The following AP1S3 variants were observed in gnomAD, a reference collection of about 807,000 sequenced individuals.
AP1S3 encodes the protein adaptor related protein complex 1 subunit sigma 3, also known as AP-1 complex subunit sigma-3.
AP1S3 carries 10 observed loss-of-function variants against 20.9 expected under a neutral mutation model. The ratio of observed to expected loss-of-function variants is 0.48; its 90% CI spans 0.29 to 0.81. The LOEUF is 0.81. Among genes scored for constraint, AP1S3 ranks in the 30% least tolerant of loss-of-function variants. The probability of loss-of-function intolerance (pLI) is 0.08; values close to 1 mark genes in which losing one functional copy is unlikely to be tolerated. For missense variants in AP1S3, 154 were observed against 183.8 expected (o/e 0.84, Z 0.94); for synonymous variants, 41 against 61.5 (o/e 0.67, Z 1.56).
intron 1 of AP1S3, among the ~76,000 whole-genome samples, chr2:223,823,459 CATT>C (rs1241379299): frequency 6.6e-6 from 1 of 152,128 alleles, no homozygotes; most frequent in Admixed American, 6.5e-5. Context: ...ACCTGAAAGA[CATT>C]ATATTAAGTG....
chr2:223,796,391 AAAC>A (rs1691337618), intron 1 of AP1S3, among the ~76,000 whole-genome samples: 1 of 152,160 alleles, frequency 6.6e-6, no homozygotes, highest in Non-Finnish European at 1.5e-5. Context: ...CATTCTTGGG[AAAC>A]AACAAACTAT....
chr2:223,812,345 C>T (rs1691750916), intron 1 of AP1S3, among the ~76,000 whole-genome samples: 1 of 152,184 alleles, frequency 6.6e-6, no homozygotes, highest in Non-Finnish European at 1.5e-5. Flanking sequence ...TCTCAGCCTC[C>T]CGAGTAGCTG....
intron 1 of AP1S3, among the ~76,000 whole-genome samples, chr2:223,780,335 AGAGAGAGAGAGAGAGAGAGAGAGTGT>A (rs1559280789): frequency 7.2e-5 from 9 of 125,754 alleles, no homozygotes; most frequent in South Asian, 2.8e-4. Context: ...AGAGAGAGAG[AGAGAGAGAGAGAGAGAGAGAGAGTGT>A]GTGTGTGTGT....
At chr2:223,827,816 T>C (rs1692167356) in intron 1 of AP1S3, among the ~76,000 whole-genome samples, 2 of 151,320 alleles carry the variant, frequency 1.3e-5, no homozygotes, top group Non-Finnish European at 2.9e-5. Flanking sequence ...TCCCATCACT[T>C]TGGGAGGCCA....
intron 3 of AP1S3, among the ~76,000 whole-genome samples, chr2:223,774,322 G>A (rs1690707992): frequency 1.3e-5 from 2 of 151,944 alleles, no homozygotes; most frequent in Non-Finnish European, 2.9e-5. Flanking sequence ...CAGAGATCGT[G>A]CCATTGCACT....
chr2:223,772,610 TTAAC>T (rs1302088465), intron 3 of AP1S3, among the ~76,000 whole-genome samples: 4 of 152,056 alleles, frequency 2.6e-5, no homozygotes, highest in African/African-American at 9.7e-5. Flanking sequence ...GATCGGAAGA[TTAAC>T]TAGTTAATCC....
chr2:223,780,775 A>T (rs1690928729), intron 1 of AP1S3, among the ~76,000 whole-genome samples: 1 of 151,814 alleles, frequency 6.6e-6, no homozygotes, highest in South Asian at 2.1e-4. Context: ...TGGTAACTAC[A>T]AATTACTTTT....
At chr2:223,795,931 G>T (rs910281719) in intron 1 of AP1S3, among the ~76,000 whole-genome samples, 1 of 152,152 alleles carries the variant, frequency 6.6e-6, no homozygotes, top group Non-Finnish European at 1.5e-5. Context: ...CCAGCACTTT[G>T]GGTGGCCGAG....
intron 1 of AP1S3, among the ~76,000 whole-genome samples, chr2:223,807,945 A>C (rs1691626822): frequency 7.8e-6 from 1 of 128,682 alleles, no homozygotes; most frequent in Non-Finnish European, 1.5e-5. Flanking sequence ...GTGATCATGC[A>C]GTGGTGCGAT....
intron 1 of AP1S3, among the ~76,000 whole-genome samples, chr2:223,833,259 T>C (rs1559150055): frequency 6.6e-6 from 1 of 152,044 alleles, no homozygotes; most frequent in Non-Finnish European, 1.5e-5. Flanking sequence ...CATACATACA[T>C]ACATACATAC....
chr2:223,791,056 G>C (rs1466503661), intron 1 of AP1S3, among the ~76,000 whole-genome samples: 2 of 152,112 alleles, frequency 1.3e-5, no homozygotes, highest in African/African-American at 4.8e-5. Flanking sequence ...ACCAAGAAAA[G>C]CCCAGGATCA....
At chr2:223,837,280 CGCACCGTCTGGG>C (rs1305208396) in intron 1 of AP1S3, among the ~76,000 whole-genome samples, 156 bp downstream of exon 1, 1 of 151,832 alleles carries the variant, frequency 6.6e-6, no homozygotes, top group African/African-American at 2.4e-5. Context: ...CTGGCGCGTC[CGCACCGTCTGGG>C]GCAGCGGGGC....
chr2:223,792,625 A>G (rs1691237729), intron 1 of AP1S3, among the ~76,000 whole-genome samples: 1 of 152,192 alleles, frequency 6.6e-6, no homozygotes. Context: ...GAAACCATAG[A>G]AGAAAAGCTA....
intron 1 of AP1S3, among the ~76,000 whole-genome samples, chr2:223,832,960 T>G (rs1399077791): frequency 6.6e-6 from 1 of 150,440 alleles, no homozygotes; most frequent in Non-Finnish European, 1.5e-5. Flanking sequence ...GATTTTTTTT[T>G]AGCATAAATC....
intron 1 of AP1S3, among the ~76,000 whole-genome samples, chr2:223,820,619 C>T (rs1177612542): frequency 2.1e-5 from 3 of 144,034 alleles, no homozygotes; most frequent in Non-Finnish European, 1.5e-5. Flanking sequence ...TTACTTTATT[C>T]ATATTCTATA....
At chr2:223,814,744 A>C (rs1691806467) in intron 1 of AP1S3, among the ~76,000 whole-genome samples, 1 of 152,228 alleles carries the variant, frequency 6.6e-6, no homozygotes, top group African/African-American at 2.4e-5. Context: ...AGGAGATTTC[A>C]GGCTGACAAT....
At position 223,760,065 on chromosome 2, in the gene AP1S3, G is replaced by A. The variant is rs554342122; in HGVS notation, c.430-1315C>T. Reference sequence around the variant, plus strand: ...GAACAGACTCACAATTACAGGTAGAGTTCAAAGTTAACAGTGATGTTCCAG... The same window carrying A: ...GAACAGACTCACAATTACAGGTAGAATTCAAAGTTAACAGTGATGTTCCAG... On this transcript the variant is annotated intron_variant, in intron 4 of 4. Coordinates refer to ENST00000396654, the MANE Select transcript of AP1S3 (RefSeq NM_001039569.2). Among the ~76,000 whole-genome samples, 3 of 152,152 alleles carry A rather than the reference G, an allele frequency of 2.0e-5. No individual in the cohort carries two copies. The South Asian group carries it at 6.2e-4, about 32-fold the overall frequency.
intron 1 of AP1S3, among the ~76,000 whole-genome samples, chr2:223,827,674 C>G (rs1423350472): frequency 6.6e-6 from 1 of 151,962 alleles, no homozygotes; most frequent in Non-Finnish European, 1.5e-5. Context: ...GCATGAGCCA[C>G]TATGCCCGGC....
At chr2:223,822,166 G>A (rs554382374) in intron 1 of AP1S3, among the ~76,000 whole-genome samples, 1 of 152,120 alleles carries the variant, frequency 6.6e-6, no homozygotes, top group East Asian at 1.9e-4. Flanking sequence ...GAGATTGGAG[G>A]ACTGCTTGAG....
Sources: gnomAD v4.1 joint callset for allele counts (sites outside exome capture counted in the v4.1 genomes callset) on GRCh38, gnomAD v4.1.1 for gene constraint, MANE v1.5 for transcripts, NCBI Gene and HGNC (gene_info 2026-07-23, HGNC 2026-07-21) for gene names.